The following FHOD3 variants were observed in gnomAD, a reference collection of about 807,000 sequenced individuals.
FHOD3 encodes the protein formin homology 2 domain containing 3, also known as FH1/FH2 domain-containing protein 3.
FHOD3 carries 90 observed loss-of-function variants against 173.0 expected under a neutral mutation model. The ratio of observed to expected loss-of-function variants is 0.52; its 90% CI spans 0.44 to 0.62. The LOEUF (loss-of-function observed/expected upper bound fraction) is 0.62. Ranked by LOEUF, FHOD3 falls within the 20% of genes least tolerant of loss-of-function variation. The pLI is 0.00. For synonymous variants in FHOD3, 828 were observed against 823.0 expected (o/e 1.01, Z -0.10); for missense variants, 1,945 against 2,034.7 (o/e 0.96, Z 0.85).
In FHOD3 at chr18:36,625,743, G is replaced by T. The variant is rs141344928; in HGVS notation, c.1190G>T (p.Arg397Leu). The T allele has an allele frequency of 6.2e-7, 1 of 1,604,166 alleles. No individual in the cohort carries two copies. Reference sequence around the variant, plus strand: ...AAGCCCAACCAAGTGCGAGATCTGCGTGAAAAGTAAGCATTAACTTGGCAG... The same window carrying T: ...AAGCCCAACCAAGTGCGAGATCTGCTTGAAAAGTAAGCATTAACTTGGCAG... ...SFKPNQVRDLREKEEEEEEEQ... is the reference protein window; with the variant it reads ...SFKPNQVRDLLEKEEEEEEEQ... The change falls in exon 10 of 29, where the codon CGT (arginine) becomes CTT (leucine). Residue 397 changes from arginine to leucine, a missense_variant. Arg to Leu is a moderately radical substitution (Grantham distance 102, BLOSUM62 -2). Transcript: ENST00000590592.
intron 5 of FHOD3, among the ~76,000 whole-genome samples, chr18:36,558,466 C>T (rs530634913): frequency 1.1e-4 from 16 of 152,200 alleles, no homozygotes; most frequent in Middle Eastern, 3.4e-3. Flanking sequence ...TGGCCAGAAG[C>T]GGAAGTCTTG....
chr18:36,298,825 A>G (rs887296280), intron 1 of FHOD3, among the ~76,000 whole-genome samples: 1 of 151,890 alleles, frequency 6.6e-6, no homozygotes, highest in African/African-American at 2.4e-5. Context: ...GGCCTCTTGC[A>G]AAGCATTTGT....
At chr18:36,593,000 G>A (rs1370669547) in intron 6 of FHOD3, among the ~76,000 whole-genome samples, 1 of 152,170 alleles carries the variant, frequency 6.6e-6, no homozygotes, top group African/African-American at 2.4e-5. Flanking sequence ...GAAAGAGAGA[G>A]GAGGAGAGTA....
chr18:36,434,522 TTTGA>T (rs1360468101), intron 3 of FHOD3, among the ~76,000 whole-genome samples: 1 of 152,224 alleles, frequency 6.6e-6, no homozygotes, highest in Non-Finnish European at 1.5e-5. Context: ...TCAAAATTAT[TTTGA>T]TTGTTCTATG....
intron 17 of FHOD3, among the ~76,000 whole-genome samples, chr18:36,703,830 T>C (rs2039720157): frequency 6.6e-6 from 1 of 152,176 alleles, no homozygotes. Flanking sequence ...ACATTCTCCA[T>C]CTGACGGGGC....
intron 3 of FHOD3, among the ~76,000 whole-genome samples, chr18:36,374,442 G>A (rs542904259): frequency 8.5e-5 from 13 of 152,254 alleles, no homozygotes; most frequent in African/African-American, 3.1e-4. Context: ...GTAATTTAAT[G>A]AAATAGTACC....
chr18:36,726,705 C>T (rs1301772204), intron 19 of FHOD3, among the ~76,000 whole-genome samples: 1 of 151,948 alleles, frequency 6.6e-6, no homozygotes, highest in Non-Finnish European at 1.5e-5. Context: ...GATGGAGTCT[C>T]ACTCTGTCAC....
In FHOD3 at chr18:36,740,812, A is replaced by G. The variant is rs2041866306; in HGVS notation, c.3733A>G (p.Lys1245Glu). The G allele has an allele frequency of 6.2e-7, 1 of 1,611,496 alleles. No homozygotes were observed. The highest frequency in any genetic ancestry group is 1.1e-5 in the South Asian group (1 of 90,664). Residue 1245 changes from lysine to glutamate, a missense_variant, in exon 21 of 29, where the codon AAA (lysine) becomes GAA (glutamate). This residue lies in a region of FHOD3 where 231 missense variants were observed against 321.9 expected (regional missense o/e 0.72). Coordinates refer to ENST00000590592, the MANE Select transcript of FHOD3 (RefSeq NM_001281740.3). ...LSARLHLWAF[K>E]MDYETTEKEV... Reference sequence around the variant, plus strand: ...TGCACGACTTCACCTCTGGGCATTCAAAATGGATTATGAAACTACAGAAAA... The same window carrying G: ...TGCACGACTTCACCTCTGGGCATTCGAAATGGATTATGAAACTACAGAAAA...
intron 8 of FHOD3, among the ~76,000 whole-genome samples, chr18:36,608,987 T>G (rs750125994): frequency 1.1e-4 from 16 of 152,270 alleles, no homozygotes; most frequent in Non-Finnish European, 2.1e-4. Flanking sequence ...TTTGCCACAA[T>G]GGTTTTATCC....
intron 5 of FHOD3, among the ~76,000 whole-genome samples, chr18:36,563,078 C>T (rs990508947): frequency 1.2e-4 from 19 of 152,174 alleles, no homozygotes; most frequent in African/African-American, 4.1e-4. Flanking sequence ...ACAGAGTCTT[C>T]ATGGTTGGTG....
chr18:36,485,223 A>T (rs1341986765), intron 3 of FHOD3, among the ~76,000 whole-genome samples: 1 of 152,150 alleles, frequency 6.6e-6, no homozygotes, highest in Non-Finnish European at 1.5e-5. Context: ...CTCTGCCTGA[A>T]ATAGTTCCAC....
intron 14 of FHOD3, among the ~76,000 whole-genome samples, chr18:36,678,246 A>C (rs930014599): frequency 6.6e-6 from 1 of 152,158 alleles, no homozygotes; most frequent in African/African-American, 2.4e-5. Context: ...TTTCAGCATT[A>C]AGAATGATAC....
intron 1 of FHOD3, among the ~76,000 whole-genome samples, chr18:36,318,524 GT>G: frequency 6.6e-6 from 1 of 151,952 alleles, no homozygotes; most frequent in East Asian, 1.9e-4. Flanking sequence ...TTGGCTCTCT[GT>G]TTGTCTATTG....
In FHOD3 at chr18:36,553,822, C is replaced by T. The variant is rs541460648; in HGVS notation, c.512-22629C>T. On this transcript the variant is annotated intron_variant, in intron 5 of 28. Coordinates refer to ENST00000590592, the MANE Select transcript of FHOD3 (RefSeq NM_001281740.3). ...TCAAACAACCCTATCAAAAAGTGGG[C>T]GAAGGATATGAACAGACACTTCTCA... Among the ~76,000 whole-genome samples, 45 of 152,132 alleles carry T rather than the reference C, an allele frequency of 3.0e-4. No homozygotes were observed. The South Asian group carries it at 3.7e-3, about 13-fold the overall frequency.
chr18:36,540,051 A>C (rs886455652), intron 5 of FHOD3, among the ~76,000 whole-genome samples: 1 of 152,154 alleles, frequency 6.6e-6, no homozygotes, highest in African/African-American at 2.4e-5. Context: ...CATATTTTCC[A>C]GAGATCAAAG....
intron 2 of FHOD3, among the ~76,000 whole-genome samples, chr18:36,365,381 A>T (rs1253100748): frequency 6.6e-6 from 1 of 152,240 alleles, no homozygotes; most frequent in Non-Finnish European, 1.5e-5. Flanking sequence ...ATATCTGATG[A>T]CCTGGAAGAC....
chr18:36,649,206 CGTTGTTGTT>C (rs374110751), intron 10 of FHOD3, 101 bp from the exon 11 acceptor site: 61 of 567,352 alleles, frequency 1.1e-4, no homozygotes, highest in African/African-American at 1.8e-4. Flanking sequence ...ATTATTATTT[CGTTGTTGTT>C]GTTGTTGTTG....
Position 36,625,580 on chromosome 18 carries a change from A to C in FHOD3, c.1027A>C (p.Arg343=). The stretch of plus-strand genomic sequence containing the variant: ...CCCCAGTGGGTGCCGGGACCGGAGG[A>C]GGGCCAGCGTGTGTTCCAGTGGCGG... The part of the protein sequence containing the change: ...PPPSGCRDRR[R]ASVCSSGGGE... The change falls in exon 10 of 29, where the codon AGG becomes CGG. Residue 343 remains arginine (R), a synonymous_variant. Transcript: ENST00000590592. 1 of 1,550,326 alleles carries C rather than the reference A, an allele frequency of 6.5e-7. No homozygotes were observed. The highest frequency in any genetic ancestry group is 8.8e-7 in the Non-Finnish European group (1 of 1,140,552).
chr18:36,625,107 G>A (rs2033997380), intron 9 of FHOD3, among the ~76,000 whole-genome samples: 1 of 152,150 alleles, frequency 6.6e-6, no homozygotes, highest in Non-Finnish European at 1.5e-5. Flanking sequence ...ATAGGGAACC[G>A]GCCACCACTA....
Sources: gnomAD v4.1 joint callset for allele counts (sites outside exome capture counted in the v4.1 genomes callset) on GRCh38, gnomAD v4.1.1 for gene constraint, gnomAD v4.1.1 regional missense constraint, MANE v1.5 for transcripts, NCBI Gene and HGNC (gene_info 2026-07-23, HGNC 2026-07-21) for gene names.